ROBO2: variants seen among roughly 807,000 people sequenced by gnomAD.
The protein encoded by ROBO2 is roundabout homolog 2.
ROBO2 carries 53 observed loss-of-function variants against 160.8 expected under a neutral mutation model. That is an observed-to-expected ratio of 0.33 (90% confidence interval 0.26 to 0.41). The LOEUF (loss-of-function observed/expected upper bound fraction) is 0.41. ROBO2 is among the 10% of genes least tolerant of loss of function. The pLI is 1.00. For synonymous variants in ROBO2, 664 were observed against 611.7 expected (o/e 1.09, Z -1.26); for missense variants, 1,577 against 1,722.4 (o/e 0.92, Z 1.49).
chr3:76,093,244 C>T (rs2069303390), intron 2 of ROBO2, among the ~76,000 whole-genome samples: 1 of 151,590 alleles, frequency 6.6e-6, no homozygotes, highest in Non-Finnish European at 1.5e-5. Flanking sequence ...AGCTTGCTTC[C>T]TCATTTGTTC....
rs551543342 is a variant in ROBO2 at position 76,000,655 on chromosome 3, A to AT, written c.109+63060dup. On this transcript the variant is annotated intron_variant, in intron 2 of 26. Coordinates refer to the ROBO2 transcript ENST00000487694. ...AGGTGCCTGCCACCACACCTGGCTAATTTTTTTGTATTTTTTAGTAGAAAT... is the reference window on the plus strand; with the variant it reads ...AGGTGCCTGCCACCACACCTGGCTAATTTTTTTTGTATTTTTTAGTAGAAAT... Among the ~76,000 whole-genome samples the AT allele has an allele frequency of 8.1e-3, 1,224 of 151,744 alleles. 8 individuals carry two copies. Among genetic ancestry groups the AT allele is most frequent in the Non-Finnish European group, 0.012 (803 of 67,886 alleles).
chr3:76,995,949 A>C (rs2060976914), intron 2 of ROBO2, among the ~76,000 whole-genome samples: 2 of 152,128 alleles, frequency 1.3e-5, no homozygotes, highest in Admixed American at 1.3e-4. Context: ...GAAGCTCTTT[A>C]GTTTAATTAG....
chr3:75,960,665 T>A (rs572241544), intron 2 of ROBO2, among the ~76,000 whole-genome samples: 1 of 151,848 alleles, frequency 6.6e-6, no homozygotes, highest in African/African-American at 2.4e-5. Context: ...TTGTGCATGA[T>A]CAATAACTCA....
chr3:75,932,533 C>T (rs1471559612), intron 1 of ROBO2, among the ~76,000 whole-genome samples: 7 of 152,160 alleles, frequency 4.6e-5, no homozygotes, highest in Admixed American at 4.6e-4. Flanking sequence ...CTTACTAATA[C>T]CCCTGACAGC....
intron 2 of ROBO2, among the ~76,000 whole-genome samples, chr3:76,467,143 G>A (rs1480905905): frequency 1.3e-5 from 2 of 152,030 alleles, no homozygotes; most frequent in East Asian, 1.9e-4. Context: ...TGTGTTAGAT[G>A]TCTAAATCCT....
intron 2 of ROBO2, among the ~76,000 whole-genome samples, chr3:76,632,795 T>G (rs1432513884): frequency 1.3e-5 from 2 of 152,222 alleles, no homozygotes; most frequent in East Asian, 3.8e-4. Flanking sequence ...TCTAATTTTT[T>G]GTGAGGAAAA....
intron 2 of ROBO2, among the ~76,000 whole-genome samples, chr3:76,737,238 A>G (rs984897447): frequency 2.6e-5 from 4 of 152,116 alleles, no homozygotes; most frequent in African/African-American, 7.2e-5. Flanking sequence ...GCATTATTTT[A>G]TAGTAAGAAA....
At chr3:77,504,823 A>G (rs1222917957) in intron 5 of ROBO2, among the ~76,000 whole-genome samples, 1 of 152,222 alleles carries the variant, frequency 6.6e-6, no homozygotes, top group Non-Finnish European at 1.5e-5. Context: ...GGTGAACTAT[A>G]TACAAACTAT....
chr3:75,957,065 T>G (rs1436267520), intron 2 of ROBO2, among the ~76,000 whole-genome samples: 5 of 151,734 alleles, frequency 3.3e-5, no homozygotes, highest in African/African-American at 1.2e-4. Flanking sequence ...TTAATTTATT[T>G]TATGATAGTG....
Position 76,861,284 on chromosome 3 carries a change from G to A in ROBO2, c.110-236730G>A, listed in dbSNP as rs555185812. Reference sequence around the variant, plus strand: ...TTCCTTTGAAATGAAAATAATAGTGGTACCTACCTTGTAAGTCCTAACTTA... The same window carrying A: ...TTCCTTTGAAATGAAAATAATAGTGATACCTACCTTGTAAGTCCTAACTTA... On this transcript the variant is annotated intron_variant, in intron 2 of 26. Coordinates refer to the ROBO2 transcript ENST00000487694. Among the ~76,000 whole-genome samples, 42 of 152,248 alleles carry A rather than the reference G, an allele frequency of 2.8e-4. No individual in the cohort carries two copies. In the South Asian group the frequency reaches 7.3e-3, roughly 26 times the overall value.
At chr3:76,592,968 A>G (rs1322824070) in intron 2 of ROBO2, among the ~76,000 whole-genome samples, 1 of 152,120 alleles carries the variant, frequency 6.6e-6, no homozygotes, top group Non-Finnish European at 1.5e-5. Flanking sequence ...TAGCACTGTA[A>G]ATGCAGTAAC....
intron 1 of ROBO2, among the ~76,000 whole-genome samples, chr3:77,041,581 C>T (rs550035072): frequency 9.4e-4 from 143 of 152,092 alleles, no homozygotes; most frequent in Non-Finnish European, 1.7e-3. Flanking sequence ...TCTTTTGTTC[C>T]GATTTGGTTT....
intron 2 of ROBO2, among the ~76,000 whole-genome samples, chr3:76,154,611 T>G (rs2106872154): frequency 6.6e-6 from 1 of 152,146 alleles, no homozygotes; most frequent in South Asian, 2.1e-4. Context: ...GCGGAGGAAT[T>G]GAGATTTGAG....
intron 2 of ROBO2, among the ~76,000 whole-genome samples, chr3:76,850,192 AT>A (rs2069199640): frequency 2.0e-5 from 3 of 152,182 alleles, no homozygotes; most frequent in African/African-American, 7.2e-5. Flanking sequence ...AGTTTTCTCT[AT>A]CTTCATCAGC....
At chr3:77,006,737 T>A (rs140562216) in intron 2 of ROBO2, among the ~76,000 whole-genome samples, 1 of 151,870 alleles carries the variant, frequency 6.6e-6, no homozygotes, top group Non-Finnish European at 1.5e-5. Flanking sequence ...GAATAAAAAT[T>A]TGAAAGAGAA....
intron 2 of ROBO2, among the ~76,000 whole-genome samples, chr3:77,262,931 A>T (rs910401396): frequency 1.3e-5 from 2 of 152,208 alleles, no homozygotes; most frequent in Non-Finnish European, 2.9e-5. Flanking sequence ...GCTATAAACT[A>T]AATGCCACTC....
chr3:77,416,371 G>C (rs147057439), intron 2 of ROBO2, among the ~76,000 whole-genome samples: 1 of 152,272 alleles, frequency 6.6e-6, no homozygotes, highest in Non-Finnish European at 1.5e-5. Flanking sequence ...GCTTTAAGCT[G>C]TCTTTGGCTT....
At chr3:76,462,008 C>G (rs1036642849) in intron 2 of ROBO2, among the ~76,000 whole-genome samples, 7 of 152,136 alleles carry the variant, frequency 4.6e-5, no homozygotes, top group African/African-American at 1.7e-4. Context: ...CCTCCTCCAT[C>G]CCCACCAACA....
intron 2 of ROBO2, among the ~76,000 whole-genome samples, chr3:77,245,365 A>G (rs1481014308): frequency 2.0e-5 from 3 of 152,284 alleles, no homozygotes. Flanking sequence ...GGGTAATGAC[A>G]TTGCCCAGTG....
Sources: gnomAD v4.1 joint callset for allele counts (sites outside exome capture counted in the v4.1 genomes callset) on GRCh38, gnomAD v4.1.1 for gene constraint, MANE v1.5 for transcripts, NCBI Gene and HGNC (gene_info 2026-07-23, HGNC 2026-07-21) for gene names.